Variants in SLC25A48 observed in about 807,000 individuals in gnomAD.
The protein encoded by SLC25A48 is CTC-321K16.1.
SLC25A48 carries 29 observed loss-of-function variants against 32.2 expected under a neutral mutation model. The observed-to-expected ratio is 0.90, with a 90% CI of 0.67 to 1.23. The LOEUF (loss-of-function observed/expected upper bound fraction) is 1.23, where lower values mean the gene tolerates loss of function less well. SLC25A48 is among the 50% of genes most tolerant of loss of function. SLC25A48 has a pLI of 0.00. For missense variants in SLC25A48, 399 were observed against 422.7 expected, an observed-to-expected ratio of 0.94 and a Z score of 0.49; for synonymous variants, 164 against 172.3, an observed-to-expected ratio of 0.95 and a Z score of 0.38.
intron 3 of SLC25A48, among the ~76,000 whole-genome samples, chr5:135,754,137 G>A (rs1755837934): frequency 6.6e-6 from 1 of 151,564 alleles, no homozygotes; most frequent in South Asian, 2.1e-4. Context: ...CAGGGTGTAT[G>A]CACAGGGTGT....
At chr5:135,591,251 C>A (rs1272707366) in intron 1 of SLC25A48, among the ~76,000 whole-genome samples, 1 of 152,242 alleles carries the variant, frequency 6.6e-6, no homozygotes, top group Non-Finnish European at 1.5e-5. Context: ...CATTCTGATC[C>A]CCTTTTAGGG....
At chr5:135,868,238 C>T (rs538401098) in intron 4 of SLC25A48, among the ~76,000 whole-genome samples, 2 of 152,214 alleles carry the variant, frequency 1.3e-5, no homozygotes, top group East Asian at 3.9e-4. Flanking sequence ...GGAGGAGGTC[C>T]AGCCAAGAAT....
At chr5:135,841,842 C>T (rs929357752) in intron 1 of SLC25A48, among the ~76,000 whole-genome samples, 1 of 152,094 alleles carries the variant, frequency 6.6e-6, no homozygotes, top group African/African-American at 2.4e-5. Context: ...GGTAACCCTC[C>T]CAGAGGAATC....
chr5:135,662,426 A>T (rs1753426473), intron 3 of SLC25A48, among the ~76,000 whole-genome samples: 1 of 152,036 alleles, frequency 6.6e-6, no homozygotes, highest in Admixed American at 6.5e-5. Context: ...CTTCCATGTG[A>T]CCCTAAACTC....
At chr5:135,606,843 C>A (rs1295916277) in intron 1 of SLC25A48, among the ~76,000 whole-genome samples, 1 of 152,186 alleles carries the variant, frequency 6.6e-6, no homozygotes, top group African/African-American at 2.4e-5. Context: ...CTGCTTTGAA[C>A]GTGTATTTGA....
At chr5:135,628,813 G>T (rs888281770) in intron 1 of SLC25A48, among the ~76,000 whole-genome samples, 12 of 152,122 alleles carry the variant, frequency 7.9e-5, no homozygotes, top group African/African-American at 2.9e-4. Flanking sequence ...TATTTTGGAG[G>T]GATGTCAGAG....
intron 3 of SLC25A48, among the ~76,000 whole-genome samples, chr5:135,637,767 C>T (rs1752738332): frequency 6.6e-6 from 1 of 152,168 alleles, no homozygotes; most frequent in South Asian, 2.1e-4. Context: ...AGCCTCCTGT[C>T]ATTTTTCGGG....
At chr5:135,603,512 C>G (rs1751850524) in intron 1 of SLC25A48, among the ~76,000 whole-genome samples, 1 of 152,222 alleles carries the variant, frequency 6.6e-6, no homozygotes, top group African/African-American at 2.4e-5. Flanking sequence ...CCCAGCAGGC[C>G]CGGCCCTGCC....
Position 135,877,520 on chromosome 5 carries a change from C to T in SLC25A48, c.814-2448C>T, listed in dbSNP as rs138172069. On this transcript the variant is annotated intron_variant, in intron 6 of 7. Transcript: ENST00000681962. ...CAGTTCAGACGCTCTTCCTTTGTCA[C>T]GTCCAAAATTCATTTATTCATTCAT... 7.0e-3 allele frequency among the ~76,000 whole-genome samples: 1,063 copies of T among 152,276 alleles called. 19 individuals are homozygous for T. The highest frequency in any genetic ancestry group is 0.024 in the African/African-American group (987 of 41,550).
intron 3 of SLC25A48, among the ~76,000 whole-genome samples, chr5:135,687,457 A>G (rs1580785372): frequency 6.6e-6 from 1 of 152,226 alleles, no homozygotes; most frequent in East Asian, 1.9e-4. Flanking sequence ...TGTGTAACTG[A>G]GGCTTGATAT....
chr5:135,820,580 C>A (rs562917406), intron 4 of SLC25A48, among the ~76,000 whole-genome samples: 1 of 151,522 alleles, frequency 6.6e-6, no homozygotes, highest in South Asian at 2.1e-4. Context: ...CTAAAGAGAT[C>A]AAAATAATAT....
intron 2 of SLC25A48, among the ~76,000 whole-genome samples, chr5:135,846,112 G>A (rs1340037029): frequency 6.6e-6 from 1 of 152,192 alleles, no homozygotes; most frequent in Non-Finnish European, 1.5e-5. Flanking sequence ...ATTCTCGTAA[G>A]AGCACAAACC....
chr5:135,754,356 G>T (rs188708879), intron 3 of SLC25A48, among the ~76,000 whole-genome samples: 22 of 152,144 alleles, frequency 1.4e-4, no homozygotes, highest in African/African-American at 5.3e-4. Context: ...TGATATTACT[G>T]TGTGAAATTA....
At chr5:135,711,526 T>A (rs955809984) in intron 3 of SLC25A48, among the ~76,000 whole-genome samples, 5 of 152,332 alleles carry the variant, frequency 3.3e-5, no homozygotes, top group African/African-American at 1.2e-4. Flanking sequence ...AGGAGTGCCA[T>A]GTGATCTGCT....
In SLC25A48 at chr5:135,598,696, GAC is replaced by G. The variant is rs199799812; in HGVS notation, c.-849+19109_-849+19110del. Among the ~76,000 whole-genome samples the G allele has an allele frequency of 1.2e-3, 186 of 152,198 alleles. 1 individual carries two copies. Among genetic ancestry groups the G allele is most frequent in the African/African-American group, 1.9e-3 (80 of 41,510 alleles). ...GGAACTATGAATATTCATAAAGAGG[GAC>G]ACACACACATGTGTAGTAAGCAAAC... On this transcript the variant is annotated intron_variant, in intron 1 of 10. Coordinates refer to the SLC25A48 transcript ENST00000646290.
chr5:135,821,366 G>C (rs1209593308), intron 4 of SLC25A48, among the ~76,000 whole-genome samples: 1 of 152,166 alleles, frequency 6.6e-6, no homozygotes, highest in African/African-American at 2.4e-5. Flanking sequence ...AGCTGAAAGC[G>C]AGTGACAAGG....
chr5:135,885,308 G>T (rs1366368239), intron 7 of SLC25A48, among the ~76,000 whole-genome samples: 2 of 152,038 alleles, frequency 1.3e-5, no homozygotes, highest in East Asian at 1.9e-4. Context: ...TTGCTGAAAG[G>T]GTTCCCAAGT....
At chr5:135,698,976 A>G (rs1754328822) in intron 3 of SLC25A48, among the ~76,000 whole-genome samples, 1 of 152,228 alleles carries the variant, frequency 6.6e-6, no homozygotes, top group South Asian at 2.1e-4. Context: ...ATGCAAATCA[A>G]ACCCATCCTA....
intron 3 of SLC25A48, among the ~76,000 whole-genome samples, chr5:135,673,260 T>A (rs1038854659): frequency 1.3e-5 from 2 of 152,194 alleles, no homozygotes; most frequent in Non-Finnish European, 2.9e-5. Context: ...GTAGAATAGC[T>A]AAGTTGTATG....
Sources: gnomAD v4.1 joint callset for allele counts (sites outside exome capture counted in the v4.1 genomes callset) on GRCh38, gnomAD v4.1.1 for gene constraint, MANE v1.5 for transcripts, NCBI Gene and HGNC (gene_info 2026-07-23, HGNC 2026-07-21) for gene names.